TSHZ2: variants seen among roughly 807,000 people sequenced by gnomAD.
TSHZ2 encodes the protein teashirt homolog 2.
In TSHZ2, 21 loss-of-function variants were observed where a neutral mutation model predicts 74.4. The ratio of observed to expected loss-of-function variants is 0.28; its 90% confidence interval spans 0.20 to 0.41. The LOEUF (loss-of-function observed/expected upper bound fraction) is 0.41. Ranked by LOEUF, TSHZ2 falls within the 10% of genes least tolerant of loss-of-function variation. The pLI is 1.00. For missense variants in TSHZ2, 1,244 were observed against 1,293.5 expected (o/e 0.96, Z 0.59); for synonymous variants, 540 against 515.3 (o/e 1.05, Z -0.65).
chr20:53,044,179 C>CAAAGAG (rs1984144504), intron 1 of TSHZ2, among the ~76,000 whole-genome samples: 1 of 152,168 alleles, frequency 6.6e-6, no homozygotes, highest in Non-Finnish European at 1.5e-5. Flanking sequence ...AAAGAGCATC[C>CAAAGAG]CTAATTCACA....
At chr20:53,134,518 G>C (rs575792303) in intron 1 of TSHZ2, among the ~76,000 whole-genome samples, 5 of 152,198 alleles carry the variant, frequency 3.3e-5, no homozygotes, top group Middle Eastern at 3.4e-3. Flanking sequence ...AAGGAAGCTG[G>C]GCATTTGGAA....
At chr20:53,017,346 CCT>C (rs1384549366) in intron 1 of TSHZ2, among the ~76,000 whole-genome samples, 2 of 152,158 alleles carry the variant, frequency 1.3e-5, no homozygotes, top group Non-Finnish European at 2.9e-5. Context: ...TGAAATAAGT[CCT>C]CTCTGTCTTT....
chr20:53,480,329 A>G (rs1305113669), intron 2 of TSHZ2, among the ~76,000 whole-genome samples: 1 of 151,910 alleles, frequency 6.6e-6, no homozygotes, highest in Non-Finnish European at 1.5e-5. Context: ...TCAGCCTCCC[A>G]AAGTGCTGGG....
intron 2 of TSHZ2, among the ~76,000 whole-genome samples, chr20:53,261,724 C>T: frequency 6.6e-6 from 1 of 152,226 alleles, no homozygotes; most frequent in East Asian, 1.9e-4. Context: ...TTACTCCAAT[C>T]TGCCATCAGT....
Position 53,254,893 on chromosome 20 carries a change from G to T in TSHZ2, c.1435G>T (p.Val479Leu), listed in dbSNP as rs188447984. The T allele has an allele frequency of 1.2e-6, 2 of 1,614,102 alleles. No individual in the cohort carries two copies. The change falls in exon 2 of 3, where the codon GTG becomes TTG. Residue 479 changes from valine to leucine, a missense_variant. Around this residue, in one of 6 missense-constraint regions of TSHZ2, gnomAD observed 562 missense variants for 544.0 expected, o/e 1.03. Coordinates refer to ENST00000371497, the MANE Select transcript of TSHZ2 (RefSeq NM_173485.6). ...GGAAACCAGCAAGGATGAGAAAGTC[G>T]TGAAAAGCGAGGACTATGAAGATCC... ...PEETSKDEKV[V>L]KSEDYEDPLQ...
intron 2 of TSHZ2, among the ~76,000 whole-genome samples, chr20:53,427,104 C>A (rs1459867546): frequency 6.6e-6 from 1 of 152,096 alleles, no homozygotes; most frequent in African/African-American, 2.4e-5. Context: ...CTTGTCATTG[C>A]AGATAGGTCA....
chr20:53,110,659 G>A (rs917385100), intron 1 of TSHZ2, among the ~76,000 whole-genome samples: 11 of 152,130 alleles, frequency 7.2e-5, no homozygotes, highest in African/African-American at 2.7e-4. Context: ...TGGAAATATG[G>A]TGGTAAGGGG....
chr20:53,397,992 A>AG (rs1982518661), intron 2 of TSHZ2: 1 of 151,746 alleles, frequency 6.6e-6, no homozygotes, highest in African/African-American at 2.4e-5. Context: ...GAGTGGGGGG[A>AG]GGGGGAAGGG....
At chr20:53,070,982 A>G (rs989891443) in intron 1 of TSHZ2, among the ~76,000 whole-genome samples, 6 of 152,160 alleles carry the variant, frequency 3.9e-5, no homozygotes, top group African/African-American at 9.7e-5. Context: ...AATGGGTACT[A>G]TTTGTTTGAG....
intron 1 of TSHZ2, among the ~76,000 whole-genome samples, chr20:53,238,571 A>G (rs1207487799): frequency 6.6e-6 from 1 of 152,170 alleles, no homozygotes; most frequent in East Asian, 1.9e-4. Context: ...GAAAGTTGTC[A>G]TATGTTCATT....
chr20:53,426,472 T>C (rs1055177360), intron 2 of TSHZ2, among the ~76,000 whole-genome samples: 3 of 152,210 alleles, frequency 2.0e-5, no homozygotes, highest in Admixed American at 6.5e-5. Flanking sequence ...TTTTTTTAAG[T>C]TACGGTGATC....
chr20:53,411,156 T>C (rs1983042037), intron 2 of TSHZ2, among the ~76,000 whole-genome samples: 2 of 152,176 alleles, frequency 1.3e-5, no homozygotes, highest in African/African-American at 4.8e-5. Context: ...GGGGCCTTCA[T>C]GTCACAGAAG....
chr20:53,179,843 G>A (rs576049843), intron 1 of TSHZ2, among the ~76,000 whole-genome samples: 70 of 152,274 alleles, frequency 4.6e-4, no homozygotes, highest in African/African-American at 1.3e-3. Flanking sequence ...TCAAGGTAAC[G>A]ATAAGAGATT....
chr20:53,283,108 T>C (rs1991096398), intron 2 of TSHZ2, among the ~76,000 whole-genome samples: 1 of 152,228 alleles, frequency 6.6e-6, no homozygotes, highest in Non-Finnish European at 1.5e-5. Context: ...CAGTGTTATC[T>C]CATTATTCCC....
At chr20:53,437,881 C>A (rs963903233) in intron 2 of TSHZ2, among the ~76,000 whole-genome samples, 1 of 152,204 alleles carries the variant, frequency 6.6e-6, no homozygotes, top group African/African-American at 2.4e-5. Flanking sequence ...TGTGCCTGCT[C>A]CTCCTTCACC....
At chr20:53,287,901 T>C (rs1991199461) in intron 2 of TSHZ2, among the ~76,000 whole-genome samples, 1 of 152,206 alleles carries the variant, frequency 6.6e-6, no homozygotes, top group South Asian at 2.1e-4. Context: ...TTTTATATTC[T>C]ATAAAAATAT....
chr20:53,462,082 A>G (rs570710550), intron 2 of TSHZ2, among the ~76,000 whole-genome samples: 13 of 152,082 alleles, frequency 8.5e-5, no homozygotes, highest in Admixed American at 2.0e-4. Context: ...AAATACAAAA[A>G]AAAAAGAAAA....
At chr20:53,080,824 G>A (rs1985511702) in intron 1 of TSHZ2, among the ~76,000 whole-genome samples, 1 of 151,956 alleles carries the variant, frequency 6.6e-6, no homozygotes. Flanking sequence ...CATTTTTGTT[G>A]ATCCAGAATA....
intron 1 of TSHZ2, among the ~76,000 whole-genome samples, chr20:52,976,878 C>T (rs1981359182): frequency 6.6e-6 from 1 of 152,158 alleles, no homozygotes; most frequent in African/African-American, 2.4e-5. Flanking sequence ...TTTCTGATCA[C>T]CCAGATCTGA....
Sources: allele counts gnomAD v4.1 joint callset (sites outside exome capture counted in the v4.1 genomes callset), GRCh38; gene constraint gnomAD v4.1.1; regional missense constraint gnomAD v4.1.1; transcripts MANE v1.5; gene names NCBI Gene and HGNC (gene_info 2026-07-23, HGNC 2026-07-21).